The following EML6 variants were observed in gnomAD, a reference collection of about 807,000 sequenced individuals.
The protein encoded by EML6 is EMAP like 6.
A neutral mutation model predicts 240.1 loss-of-function variants in EML6; 154 were observed. The observed-to-expected ratio is 0.64, with a 90% CI of 0.56 to 0.73. EML6 has a LOEUF of 0.73. EML6 is among the 30% of genes least tolerant of loss of function. The pLI is 0.00. For missense variants in EML6, 2,964 were observed against 2,474.6 expected (o/e 1.20, Z -4.20); for synonymous variants, 1,148 against 899.0 (o/e 1.28, Z -4.95).
At chr2:54,881,171 C>A (rs966479232) in intron 17 of EML6, 2 of 152,040 alleles carry the variant, frequency 1.3e-5, no homozygotes, top group African/African-American at 4.8e-5. Context: ...TGTTTCCAAG[C>A]AGGAATATCA....
chr2:54,808,868 C>G (rs941347320), intron 2 of EML6, among the ~76,000 whole-genome samples: 1 of 152,210 alleles, frequency 6.6e-6, no homozygotes, highest in Non-Finnish European at 1.5e-5. Flanking sequence ...AGAAACAAAT[C>G]AATTTCTTCT....
At chr2:54,791,742 C>G (rs1359567542) in intron 2 of EML6, among the ~76,000 whole-genome samples, 1 of 152,160 alleles carries the variant, frequency 6.6e-6, no homozygotes, top group African/African-American at 2.4e-5. Flanking sequence ...ACTGGAGGTT[C>G]AGTAGTGTCC....
intron 28 of EML6, among the ~76,000 whole-genome samples, chr2:54,929,521 T>C (rs1372257208): frequency 1.3e-5 from 2 of 152,246 alleles, no homozygotes; most frequent in Non-Finnish European, 2.9e-5. Flanking sequence ...TTAATAATTC[T>C]GTTGGCTGTT....
intron 2 of EML6, among the ~76,000 whole-genome samples, chr2:54,793,311 A>G (rs1337757837): frequency 1.3e-5 from 2 of 150,616 alleles, no homozygotes; most frequent in African/African-American, 2.4e-5. Flanking sequence ...AGTAGAGGGG[A>G]GGAGAACCAA....
At chr2:54,914,111 C>CAA (rs1673782865) in intron 25 of EML6, among the ~76,000 whole-genome samples, 1 of 152,122 alleles carries the variant, frequency 6.6e-6, no homozygotes, top group African/African-American at 2.4e-5. Context: ...TTCTTTTTGC[C>CAA]TAGAAATGCT....
chr2:54,863,312 G>A lies in EML6; in HGVS notation c.1826-471G>A, dbSNP rs189794538. Among the ~76,000 whole-genome samples, 506 of 152,310 alleles carry A rather than the reference G, an allele frequency of 3.3e-3. 1 individual carries two copies. The highest frequency in any genetic ancestry group is 0.031 in the Middle Eastern group (9 of 294). Reference sequence around the variant, plus strand: ...GGTATCTGCTATCTAATAGAAATGTGTAAATGACCAACCTAGGCAATGTGG... The same window carrying A: ...GGTATCTGCTATCTAATAGAAATGTATAAATGACCAACCTAGGCAATGTGG... On this transcript the variant is annotated intron_variant, in intron 12 of 41. Transcript: ENST00000356458.
intron 11 of EML6, among the ~76,000 whole-genome samples, chr2:54,856,046 A>G (rs1430987251): frequency 6.6e-6 from 1 of 152,228 alleles, no homozygotes; most frequent in Admixed American, 6.5e-5. Context: ...TTAATTTGAC[A>G]TGTTTGCAAT....
rs564132476 is a variant in EML6, at chr2:54,970,196, C to G, written c.*101C>G. On this transcript the variant is annotated 3_prime_UTR_variant, in exon 42 of 42. Transcript: ENST00000356458. ...CTTGCCACCAGCCGTTGGGAAATGC[C>G]TACCATGCTGCCCCGGATGCACAAG... 5 of 1,148,582 alleles carry G rather than the reference C, an allele frequency of 4.4e-6. No individual in the cohort carries two copies. In the East Asian group the frequency reaches 1.3e-4, roughly 29 times the overall value. The allele number at this position is 1,148,582 out of a possible 1,614,324, so 71.1% of individuals were successfully genotyped here. A position where few individuals can be genotyped will look rare whatever the true frequency, so the allele number is the denominator to read the frequency against.
intron 2 of EML6, among the ~76,000 whole-genome samples, chr2:54,800,188 T>C (rs777416062): frequency 1.5e-3 from 228 of 151,678 alleles, no homozygotes; most frequent in Middle Eastern, 0.014. Context: ...GAGGTTGCAG[T>C]GAGCCGAGAT....
chr2:54,895,353 G>A lies in EML6; in HGVS notation c.2935G>A (p.Glu979Lys). 1 of 1,552,020 alleles carries A rather than the reference G, an allele frequency of 6.4e-7. No individual in the cohort carries two copies. The highest frequency in any genetic ancestry group is 8.7e-7 in the Non-Finnish European group (1 of 1,146,986). Reference protein sequence around the residue: ...GHILVGTKNGEILEIDKSGPM... With the variant: ...GHILVGTKNGKILEIDKSGPM... The stretch of plus-strand genomic sequence containing the variant: ...TATCCTGGTGGGAACAAAAAATGGA[G>A]AGATTCTGGAAATTGATAAGAGTGG... Residue 979 changes from glutamate to lysine, a missense_variant, in exon 21 of 42, where the codon GAG becomes AAG. Physicochemically the swap from Glu to Lys is moderately conservative, Grantham distance 56 (BLOSUM62 1). Coordinates refer to ENST00000356458, the MANE Select transcript of EML6 (RefSeq NM_001039753.4).
At chr2:54,806,942 T>C (rs930700102) in intron 2 of EML6, among the ~76,000 whole-genome samples, 1 of 152,160 alleles carries the variant, frequency 6.6e-6, no homozygotes, top group South Asian at 2.1e-4. Flanking sequence ...GATGCACTTG[T>C]CACGGAACAA....
At chr2:54,892,146 G>T (rs1672504069) in intron 18 of EML6, among the ~76,000 whole-genome samples, 1 of 152,206 alleles carries the variant, frequency 6.6e-6, no homozygotes. Flanking sequence ...CTTGGACTGA[G>T]ATGCATATTG....
intron 2 of EML6, among the ~76,000 whole-genome samples, chr2:54,757,927 TTTC>T: frequency 1.3e-5 from 2 of 152,106 alleles, no homozygotes; most frequent in Middle Eastern, 6.8e-3. Context: ...TACTTTATCC[TTTC>T]TTCTTGTTCT....
intron 17 of EML6, among the ~76,000 whole-genome samples, chr2:54,890,788 A>G (rs1056638623): frequency 4.6e-5 from 7 of 152,218 alleles, no homozygotes; most frequent in East Asian, 1.9e-4. Flanking sequence ...AGACATTACA[A>G]TATGTTTTAA....
Position 54,787,913 on chromosome 2 carries a change from G to A in EML6, c.198-25319G>A, listed in dbSNP as rs549236932. On this transcript the variant is annotated intron_variant, in intron 2 of 41. Coordinates refer to ENST00000356458, the MANE Select transcript of EML6 (RefSeq NM_001039753.4). ...CCCGGTTGTACACACCCCGTCCCCC[G>A]AGGCCTAGTTGAAACTTCCCTCACC... 1.8e-4 allele frequency among the ~76,000 whole-genome samples: 27 copies of A among 152,170 alleles called. No homozygotes were observed. In the South Asian group the frequency reaches 3.5e-3, roughly 20 times the overall value.
intron 30 of EML6, 145 bp downstream of exon 30, chr2:54,950,924 G>C (rs1675942468): frequency 1.1e-6 from 1 of 892,490 alleles, no homozygotes; most frequent in Non-Finnish European, 1.7e-6. Flanking sequence ...AGTTAGGCCT[G>C]GTAACGCTCA....
chr2:54,744,962 A>ACACACACAC (rs1553370078), intron 2 of EML6, among the ~76,000 whole-genome samples: 1 of 85,966 alleles, frequency 1.2e-5, no homozygotes. Flanking sequence ...ACACACACAC[A>ACACACACAC]CCCTGCCATG....
chr2:54,824,664 G>GT (rs1468041325), intron 5 of EML6, among the ~76,000 whole-genome samples: 1 of 152,170 alleles, frequency 6.6e-6, no homozygotes, highest in Non-Finnish European at 1.5e-5. Context: ...TTGAAAAACA[G>GT]TAACAGTTGA....
rs1000270385 is a variant in EML6 at position 54,916,927 on chromosome 2, C to A, written c.3667C>A (p.Pro1223Thr). 14 of 1,540,020 alleles carry A rather than the reference C, an allele frequency of 9.1e-6. No individual in the cohort carries two copies. Among genetic ancestry groups the A allele is most frequent in the Non-Finnish European group, 1.2e-5 (14 of 1,137,222 alleles). Residue 1223 changes from proline to threonine, a missense_variant, in exon 26 of 42, where the codon CCT becomes ACT. Transcript: ENST00000356458. ...TGGTTTCGTTAAGCTTTTTTCATAT[C>A]CTGTCAAGGTAATATTGCGTGTTTA... is the stretch of plus-strand genomic sequence containing the variant. ...DFGFVKLFSY[P>T]VKGQHARFKK...
Sources: gnomAD v4.1 joint callset for allele counts (sites outside exome capture counted in the v4.1 genomes callset) on GRCh38, gnomAD v4.1.1 for gene constraint, MANE v1.5 for transcripts, NCBI Gene and HGNC (gene_info 2026-07-23, HGNC 2026-07-21) for gene names.